TBC1D12: variants seen among roughly 807,000 people sequenced by gnomAD.
TBC1D12 encodes TBC1 domain family, member 12.
Under a neutral mutation model 86.7 loss-of-function variants are expected in TBC1D12, and 56 were observed. The observed-to-expected ratio is 0.65, with a 90% CI of 0.52 to 0.81. The LOEUF (loss-of-function observed/expected upper bound fraction) is 0.81, where lower values mean the gene tolerates loss of function less well. TBC1D12 is among the 30% of genes least tolerant of loss of function. The pLI, the probability that TBC1D12 is intolerant of heterozygous loss-of-function variation, is 0.00. For missense variants in TBC1D12, 1,023 were observed against 1,038.8 expected (o/e 0.98, Z 0.21); for synonymous variants, 421 against 411.7 (o/e 1.02, Z -0.27).
chr10:94,526,276 C>G (rs767462676), intron 11 of TBC1D12, among the ~76,000 whole-genome samples: 1 of 151,852 alleles, frequency 6.6e-6, no homozygotes, highest in Non-Finnish European at 1.5e-5. Flanking sequence ...ACAAAAAATA[C>G]AAAAATTAGC....
rs776220313 is a variant in TBC1D12 at position 94,521,951 on chromosome 10, G to GA, written c.1762-2dup. The GA allele has an allele frequency of 2.7e-5, 42 of 1,578,392 alleles. No homozygotes were observed. The highest frequency in any genetic ancestry group is 3.5e-5 in the Non-Finnish European group (41 of 1,157,482). On this transcript the variant is annotated splice_polypyrimidine_tract_variant and splice_region_variant and intron_variant, in intron 9 of 12. Coordinates refer to ENST00000225235, the MANE Select transcript of TBC1D12 (RefSeq NM_015188.2). The stretch of plus-strand genomic sequence containing the variant: ...ATTTTGACTAAATTTTTCTCCCTTT[G>GA]AAGGTCCAAGGGATGTCCTTCATTG...
chr10:94,432,122 AAG>A (rs59509237), intron 1 of TBC1D12, among the ~76,000 whole-genome samples: 211 of 152,024 alleles, frequency 1.4e-3, no homozygotes, highest in African/African-American at 4.8e-3. Flanking sequence ...GGAGAAAGGG[AAG>A]AGAGAGAGAG....
intron 3 of TBC1D12, among the ~76,000 whole-genome samples, chr10:94,481,968 C>A (rs1589647841): frequency 6.6e-6 from 1 of 152,260 alleles, no homozygotes; most frequent in South Asian, 2.1e-4. Flanking sequence ...CAATTATAAT[C>A]TTTTAGTTAT....
At chr10:94,459,015 T>C (rs892972673) in intron 2 of TBC1D12, among the ~76,000 whole-genome samples, 1 of 152,200 alleles carries the variant, frequency 6.6e-6, no homozygotes, top group Non-Finnish European at 1.5e-5. Context: ...TCAGGTGGCC[T>C]GCTTTTATTT....
At chr10:94,475,511 G>A (rs1159514242) in intron 3 of TBC1D12, among the ~76,000 whole-genome samples, 3 of 152,070 alleles carry the variant, frequency 2.0e-5, no homozygotes, top group Non-Finnish European at 2.9e-5. Context: ...GCTCACTACA[G>A]CTTCCACTTC....
chr10:94,501,431 CAAAA>C (rs1172197295), intron 6 of TBC1D12: 1 of 146,402 alleles, frequency 6.8e-6, no homozygotes, highest in Non-Finnish European at 1.5e-5. Flanking sequence ...GACTCTGTCT[CAAAA>C]AAAGAAAAAA....
chr10:94,501,954 A>G (rs1483067281), intron 6 of TBC1D12, among the ~76,000 whole-genome samples: 1 of 151,936 alleles, frequency 6.6e-6, no homozygotes, highest in Non-Finnish European at 1.5e-5. Flanking sequence ...GCTTGAGCCC[A>G]GGAGTTTAAG....
intron 1 of TBC1D12, among the ~76,000 whole-genome samples, chr10:94,423,448 A>G (rs2055104788): frequency 6.6e-6 from 1 of 150,764 alleles, no homozygotes; most frequent in Non-Finnish European, 1.5e-5. Flanking sequence ...CCCAGGTTCA[A>G]GTGATTCTCC....
intron 1 of TBC1D12, among the ~76,000 whole-genome samples, chr10:94,404,834 G>GGTCA (rs2054829855): frequency 6.6e-6 from 1 of 151,804 alleles, no homozygotes; most frequent in South Asian, 2.1e-4. Context: ...GATCACCTGA[G>GGTCA]GTCAGAGTTC....
At chr10:94,480,317 C>T (rs2056058626) in intron 3 of TBC1D12, among the ~76,000 whole-genome samples, 1 of 152,188 alleles carries the variant, frequency 6.6e-6, no homozygotes, top group Admixed American at 6.5e-5. Context: ...GGTCTGTAAA[C>T]TGGCTCAAGT....
chr10:94,512,708 G>T (rs923575319), intron 9 of TBC1D12, among the ~76,000 whole-genome samples: 2 of 152,200 alleles, frequency 1.3e-5, no homozygotes, highest in Non-Finnish European at 2.9e-5. Context: ...GAAAGTGCTA[G>T]ATTTAGGGTG....
intron 2 of TBC1D12, among the ~76,000 whole-genome samples, chr10:94,465,179 T>C (rs1450820562): frequency 6.6e-6 from 1 of 152,240 alleles, no homozygotes; most frequent in Non-Finnish European, 1.5e-5. Flanking sequence ...TTTGCATGGA[T>C]ATGTGTATTT....
At chr10:94,523,606 A>G (rs914750031) in intron 11 of TBC1D12, among the ~76,000 whole-genome samples, 2 of 152,116 alleles carry the variant, frequency 1.3e-5, no homozygotes, top group African/African-American at 4.8e-5. Context: ...TCCAAGTTTC[A>G]CATATGAATA....
At chr10:94,478,433 G>C (rs1345816383) in intron 3 of TBC1D12, among the ~76,000 whole-genome samples, 1 of 152,122 alleles carries the variant, frequency 6.6e-6, no homozygotes, top group East Asian at 1.9e-4. Context: ...TGTAGGCCAG[G>C]CGTGGTGGCT....
At chr10:94,418,846 T>G (rs896331505) in intron 1 of TBC1D12, among the ~76,000 whole-genome samples, 1 of 151,322 alleles carries the variant, frequency 6.6e-6, no homozygotes, top group African/African-American at 2.4e-5. Flanking sequence ...GTGCTGGGAT[T>G]AGAGGCTGAG....
chr10:94,418,681 C>T (rs1000981762), intron 1 of TBC1D12, among the ~76,000 whole-genome samples: 43 of 151,868 alleles, frequency 2.8e-4, no homozygotes, highest in African/African-American at 9.7e-4. Context: ...AAGTGATTCT[C>T]CTGCCTCAGC....
chr10:94,465,239 C>T (rs1464983509), intron 2 of TBC1D12, among the ~76,000 whole-genome samples: 1 of 152,106 alleles, frequency 6.6e-6, no homozygotes. Context: ...AGTACTGGTG[C>T]ACCAGATACG....
chr10:94,451,168 A>G (rs1329794844), intron 2 of TBC1D12, among the ~76,000 whole-genome samples: 1 of 152,090 alleles, frequency 6.6e-6, no homozygotes, highest in Non-Finnish European at 1.5e-5. Flanking sequence ...TTAAATAGCA[A>G]GAAGGAGGAT....
At chr10:94,443,705 A>G (rs2055412525) in intron 2 of TBC1D12, among the ~76,000 whole-genome samples, 1 of 152,208 alleles carries the variant, frequency 6.6e-6, no homozygotes, top group African/African-American at 2.4e-5. Flanking sequence ...CTGTGGCATC[A>G]TATCTTTGTG....
Sources: gnomAD v4.1 joint callset for allele counts (sites outside exome capture counted in the v4.1 genomes callset) on GRCh38, gnomAD v4.1.1 for gene constraint, MANE v1.5 for transcripts, NCBI Gene and HGNC (gene_info 2026-07-23, HGNC 2026-07-21) for gene names.